TMC2: variants seen among roughly 807,000 people sequenced by gnomAD.
TMC2 encodes the protein transmembrane channel-like protein 2.
In TMC2, 102 loss-of-function variants were observed where a neutral mutation model predicts 105.9. The observed-to-expected ratio is 0.96, with a 90% CI of 0.82 to 1.14. TMC2 has a LOEUF of 1.14. TMC2 is among the 50% of genes most tolerant of loss of function. The pLI, the probability that TMC2 is intolerant of heterozygous loss-of-function variation, is 0.00. For missense variants in TMC2, 1,093 were observed against 1,134.3 expected (o/e 0.96, Z 0.52); for synonymous variants, 402 against 422.8 (o/e 0.95, Z 0.60).
At chr20:2,574,201 A>T (rs533617338) in intron 5 of TMC2, among the ~76,000 whole-genome samples, 1 of 151,746 alleles carries the variant, frequency 6.6e-6, no homozygotes, top group Admixed American at 6.6e-5. Context: ...TATGTTATTA[A>T]TTTTTTTTTA....
intron 2 of TMC2, among the ~76,000 whole-genome samples, chr20:2,540,407 T>A (rs1200103635): frequency 6.7e-6 from 1 of 149,472 alleles, no homozygotes; most frequent in Non-Finnish European, 1.5e-5. Flanking sequence ...ATGACTGTAA[T>A]CCCAGCACTT....
intron 4 of TMC2, among the ~76,000 whole-genome samples, chr20:2,567,921 GAAC>G (rs2086075891): frequency 1.3e-5 from 2 of 152,144 alleles, no homozygotes; most frequent in Non-Finnish European, 2.9e-5. Flanking sequence ...CTTGGAGATA[GAAC>G]AAGAGAAATT....
intron 16 of TMC2, 88 bp downstream of exon 16, chr20:2,617,399 A>C (rs1267221137): frequency 1.3e-6 from 2 of 1,537,952 alleles, no homozygotes; most frequent in Non-Finnish European, 1.8e-6. Flanking sequence ...TTCTGGTTTC[A>C]TGCCAGCCTG....
At chr20:2,552,343 C>G (rs866513659) in intron 2 of TMC2, among the ~76,000 whole-genome samples, 2 of 152,150 alleles carry the variant, frequency 1.3e-5, no homozygotes, top group Non-Finnish European at 2.9e-5. Context: ...CGCATTAACT[C>G]TATAGACAAA....
At chr20:2,626,339 T>C (rs1486414759) in intron 17 of TMC2, among the ~76,000 whole-genome samples, 3 of 152,234 alleles carry the variant, frequency 2.0e-5, no homozygotes, top group Non-Finnish European at 4.4e-5. Context: ...ACTTTCAAGA[T>C]GGTCACTCAC....
At position 2,612,285 on chromosome 20, in the gene TMC2, C is replaced by T. The variant is rs1278021303; in HGVS notation, c.1688C>T (p.Pro563Leu). The T allele has an allele frequency of 1.2e-6, 2 of 1,607,890 alleles. No homozygotes were observed. The highest frequency in any genetic ancestry group is 1.7e-5 in the Admixed American group (1 of 59,588). Reference sequence around the variant, plus strand: ...TGGAACGAGAGTGTCCCCCGACCACCCCTGCACCCTGCAGATGTGCCCCGG... The same window carrying T: ...TGGAACGAGAGTGTCCCCCGACCACTCCTGCACCCTGCAGATGTGCCCCGG... ...SGWNESVPRP[P>L]LHPADVPRGS... is the part of the protein sequence containing the mutation. The change falls in exon 13 of 20, where the codon CCC becomes CTC. Residue 563 changes from proline (P) to leucine (L), a missense_variant. By Grantham distance (98) the Pro-to-Leu change is moderately conservative. Transcript: ENST00000358864.
intron 7 of TMC2, 125 bp downstream of exon 7, chr20:2,580,181 G>A: frequency 4.0e-6 from 2 of 504,622 alleles, no homozygotes; most frequent in Non-Finnish European, 6.9e-6. Context: ...TATTAGGCTG[G>A]TGCAAAAGTA....
chr20:2,587,153 C>G (rs2086237196), intron 7 of TMC2, among the ~76,000 whole-genome samples: 1 of 152,034 alleles, frequency 6.6e-6, no homozygotes. Flanking sequence ...TATCTATAAT[C>G]TTACTAATTT....
At chr20:2,572,438 C>T (rs1286225924) in intron 5 of TMC2, among the ~76,000 whole-genome samples, 169 bp downstream of exon 5, 3 of 152,198 alleles carry the variant, frequency 2.0e-5, no homozygotes, top group South Asian at 2.1e-4. Flanking sequence ...GGAAACCAAT[C>T]GTATCCTGCC....
rs372180190 is a variant in TMC2 at position 2,573,540 on chromosome 20, CT to C, written c.645+1281del. 1.9e-3 allele frequency among the ~76,000 whole-genome samples: 256 copies of C among 135,722 alleles called. 3 individuals carry two copies. The East Asian group carries it at 0.026, about 14-fold the overall frequency. The allele number at this position is 135,722 out of a possible 152,430, so 89.0% of individuals were successfully genotyped here. A position where few individuals can be genotyped will look rare whatever the true frequency, so the allele number is the denominator to read the frequency against. The stretch of plus-strand genomic sequence containing the variant: ...CTCTTATGGTACTCTCTTATTAATT[CT>C]TTTTTTTTTCTTTTCTTTTCTTTTT... On this transcript the variant is annotated intron_variant, in intron 5 of 19. Transcript: ENST00000358864.
intron 7 of TMC2, among the ~76,000 whole-genome samples, chr20:2,588,397 T>C (rs112718631): frequency 6.6e-6 from 1 of 152,180 alleles, no homozygotes; most frequent in African/African-American, 2.4e-5. Flanking sequence ...TTCAGTCTGG[T>C]GAGACCCTGA....
intron 7 of TMC2, among the ~76,000 whole-genome samples, chr20:2,582,704 G>GACCTTAACTT (rs1369482380): frequency 6.6e-6 from 1 of 152,150 alleles, no homozygotes; most frequent in African/African-American, 2.4e-5. Flanking sequence ...TCAAACTCCT[G>GACCTTAACTT]ACCTTAAGCG....
intron 8 of TMC2, among the ~76,000 whole-genome samples, chr20:2,594,124 A>G (rs1338559881): frequency 1.3e-5 from 2 of 152,068 alleles, no homozygotes; most frequent in Non-Finnish European, 2.9e-5. Flanking sequence ...GCCCACAGCA[A>G]GTCATTGCTG....
chr20:2,572,157 T>C (rs767486054), intron 4 of TMC2, 22 bp from the exon 5 acceptor site: 130 of 724,090 alleles, frequency 1.8e-4, no homozygotes, highest in Non-Finnish European at 2.4e-4. Flanking sequence ...GAAATCCTGC[T>C]TTTTTTTTTT....
Position 2,542,121 on chromosome 20 carries a change from C to G in TMC2, c.82+4805C>G, listed in dbSNP as rs560514570. 3.9e-5 allele frequency among the ~76,000 whole-genome samples: 6 copies of G among 152,092 alleles called. No individual in the cohort carries two copies. The South Asian group carries it at 1.2e-3, about 32-fold the overall frequency. On this transcript the variant is annotated intron_variant, in intron 2 of 19. Coordinates refer to ENST00000358864, the MANE Select transcript of TMC2 (RefSeq NM_080751.3). ...TTCAGTGACTACAGGCTCTGTAAAT[C>G]AAACTGACAAAAGACAGATCAACAA...
intron 4 of TMC2, among the ~76,000 whole-genome samples, chr20:2,568,937 G>A (rs1420031304): frequency 3.9e-5 from 6 of 152,188 alleles, no homozygotes; most frequent in African/African-American, 1.4e-4. Flanking sequence ...GTACCTTGGA[G>A]GCAGCAGGAA....
At chr20:2,545,779 G>C (rs953840085) in intron 2 of TMC2, among the ~76,000 whole-genome samples, 1 of 144,028 alleles carries the variant, frequency 6.9e-6, no homozygotes, top group Non-Finnish European at 1.5e-5. Flanking sequence ...AGAAGATGAA[G>C]AAGAAGACGA....
chr20:2,553,142 C>G (rs2085966756), intron 2 of TMC2, among the ~76,000 whole-genome samples: 3 of 152,156 alleles, frequency 2.0e-5, no homozygotes, highest in Admixed American at 2.0e-4. Flanking sequence ...CAGTGCTGAA[C>G]AGGTGACAGG....
chr20:2,540,300 C>T (rs1398666766), intron 2 of TMC2, among the ~76,000 whole-genome samples: 1 of 151,808 alleles, frequency 6.6e-6, no homozygotes, highest in Non-Finnish European at 1.5e-5. Flanking sequence ...CAAGACTTTT[C>T]AATGCACCTA....
Sources: gnomAD v4.1 joint callset for allele counts (sites outside exome capture counted in the v4.1 genomes callset) on GRCh38, gnomAD v4.1.1 for gene constraint, MANE v1.5 for transcripts, NCBI Gene and HGNC (gene_info 2026-07-23, HGNC 2026-07-21) for gene names.